Variants in RCOR1 observed in about 807,000 individuals in gnomAD.
RCOR1 encodes the protein REST corepressor 1.
In RCOR1, 12 loss-of-function variants were observed where a neutral mutation model predicts 64.0. The observed-to-expected ratio is 0.19, with a 90% CI of 0.12 to 0.30. The LOEUF (loss-of-function observed/expected upper bound fraction) is 0.30. Among genes scored for constraint, RCOR1 ranks in the 10% least tolerant of loss-of-function variants. The probability of loss-of-function intolerance (pLI) is 1.00; values close to 1 mark genes in which losing one functional copy is unlikely to be tolerated. For synonymous variants in RCOR1, 279 were observed against 227.2 expected (o/e 1.23, Z -2.05); for missense variants, 502 against 621.2 (o/e 0.81, Z 2.04).
intron 2 of RCOR1, among the ~76,000 whole-genome samples, chr14:102,638,655 G>GT (rs199902102): frequency 1.7e-4 from 26 of 150,294 alleles, no homozygotes; most frequent in East Asian, 5.9e-4. Flanking sequence ...CTATAGTAGT[G>GT]TTTTTTTTTC....
At chr14:102,605,243 C>T (rs773750835) in intron 2 of RCOR1, among the ~76,000 whole-genome samples, 4 of 152,024 alleles carry the variant, frequency 2.6e-5, no homozygotes, top group African/African-American at 9.7e-5. Flanking sequence ...GTGAGAACAC[C>T]GGTGAAATGG....
intron 2 of RCOR1, among the ~76,000 whole-genome samples, chr14:102,634,665 C>T (rs7150303): frequency 6.9e-6 from 1 of 145,336 alleles, no homozygotes; most frequent in African/African-American, 2.7e-5. Flanking sequence ...TATATATATA[C>T]ACACACACGT....
chr14:102,625,312 C>T (rs976803792), intron 2 of RCOR1, among the ~76,000 whole-genome samples: 4 of 150,118 alleles, frequency 2.7e-5, no homozygotes, highest in Non-Finnish European at 5.9e-5. Context: ...CTTGGCTCGC[C>T]GCAACCTCCA....
At chr14:102,652,025 G>A (rs1352672423) in intron 2 of RCOR1, among the ~76,000 whole-genome samples, 4 of 152,136 alleles carry the variant, frequency 2.6e-5, no homozygotes, top group Non-Finnish European at 4.4e-5. Flanking sequence ...TGCTAGGAAT[G>A]TTTTATTTTT....
At chr14:102,628,944 G>T (rs1199756452) in intron 2 of RCOR1, among the ~76,000 whole-genome samples, 1 of 149,222 alleles carries the variant, frequency 6.7e-6, no homozygotes, top group African/African-American at 2.5e-5. Flanking sequence ...AGGCTGGAGT[G>T]CAGTGGCATG....
chr14:102,680,782 G>A (rs998472344), intron 2 of RCOR1, among the ~76,000 whole-genome samples: 11 of 152,190 alleles, frequency 7.2e-5, no homozygotes, highest in African/African-American at 2.4e-4. Flanking sequence ...TCCAGCCTGC[G>A]TGACTGAGTG....
intron 6 of RCOR1, among the ~76,000 whole-genome samples, chr14:102,708,932 A>G (rs577767269): frequency 6.6e-6 from 1 of 152,194 alleles, no homozygotes; most frequent in Non-Finnish European, 1.5e-5. Context: ...TATGTTTGCC[A>G]TGTGGAAACA....
chr14:102,688,704 A>G (rs762820931), intron 3 of RCOR1, among the ~76,000 whole-genome samples: 1 of 152,184 alleles, frequency 6.6e-6, no homozygotes, highest in Non-Finnish European at 1.5e-5. Flanking sequence ...TGTAAAGACT[A>G]TTAAATGCCG....
chr14:102,619,542 G>A (rs1045310693), intron 2 of RCOR1, among the ~76,000 whole-genome samples: 1 of 149,030 alleles, frequency 6.7e-6, no homozygotes, highest in Non-Finnish European at 1.5e-5. Flanking sequence ...CTGTAGTGGC[G>A]TGATCTTGCC....
At chr14:102,594,855 C>G (rs1234277970) in intron 2 of RCOR1, among the ~76,000 whole-genome samples, 7 of 152,132 alleles carry the variant, frequency 4.6e-5, no homozygotes, top group Non-Finnish European at 7.4e-5. Flanking sequence ...AAACACAGAA[C>G]ATAAAGCTTG....
chr14:102,671,435 G>T (rs530979345), intron 2 of RCOR1, among the ~76,000 whole-genome samples: 2 of 152,080 alleles, frequency 1.3e-5, no homozygotes, highest in African/African-American at 2.4e-5. Flanking sequence ...TCCCTCTGTC[G>T]CCCAGGCTGG....
At chr14:102,618,194 C>CA (rs1370623601) in intron 2 of RCOR1, among the ~76,000 whole-genome samples, 1 of 151,766 alleles carries the variant, frequency 6.6e-6, no homozygotes, top group Non-Finnish European at 1.5e-5. Context: ...AGGCTGTTCT[C>CA]AAACTCCTGA....
At chr14:102,671,388 T>TTTTG (rs939041304) in intron 2 of RCOR1, among the ~76,000 whole-genome samples, 21 of 152,010 alleles carry the variant, frequency 1.4e-4, no homozygotes, top group East Asian at 5.8e-4. Flanking sequence ...AGTTTCTGTG[T>TTTTG]TTTGTTTGTT....
At chr14:102,639,595 G>C (rs915230042) in intron 2 of RCOR1, among the ~76,000 whole-genome samples, 1 of 144,704 alleles carries the variant, frequency 6.9e-6, no homozygotes, top group African/African-American at 2.6e-5. Flanking sequence ...GTGCAATGGC[G>C]TGATCTTGGC....
intron 2 of RCOR1, among the ~76,000 whole-genome samples, chr14:102,594,602 C>A (rs1893206105): frequency 6.6e-6 from 1 of 151,274 alleles, no homozygotes; most frequent in Middle Eastern, 3.4e-3. Flanking sequence ...CTAATACTCG[C>A]GTTTGTGTTT....
intron 2 of RCOR1, among the ~76,000 whole-genome samples, chr14:102,668,895 G>C (rs1011768660): frequency 6.6e-6 from 1 of 152,076 alleles, no homozygotes; most frequent in Admixed American, 6.6e-5. Flanking sequence ...ACTTTATAGC[G>C]TGCCTATGTT....
At chr14:102,645,953 C>T (rs1185465377) in intron 2 of RCOR1, among the ~76,000 whole-genome samples, 1 of 151,464 alleles carries the variant, frequency 6.6e-6, no homozygotes, top group South Asian at 2.1e-4. Flanking sequence ...GCTTTGTGTC[C>T]AAATGTATGT....
chr14:102,600,636 T>C (rs1232980992), intron 2 of RCOR1, among the ~76,000 whole-genome samples: 5 of 147,852 alleles, frequency 3.4e-5, no homozygotes, highest in Admixed American at 2.0e-4. Context: ...AGTGGCGTGA[T>C]CTCAGCTCAC....
At chr14:102,662,040 C>T (rs559839632) in intron 2 of RCOR1, among the ~76,000 whole-genome samples, 1 of 152,228 alleles carries the variant, frequency 6.6e-6, no homozygotes, top group South Asian at 2.1e-4. Flanking sequence ...GGATTATAGG[C>T]GTGAGCACTG....
Sources: gnomAD v4.1 joint callset for allele counts (sites outside exome capture counted in the v4.1 genomes callset) on GRCh38, gnomAD v4.1.1 for gene constraint, MANE v1.5 for transcripts, NCBI Gene and HGNC (gene_info 2026-07-23, HGNC 2026-07-21) for gene names.